The following CDKAL1 variants were observed in gnomAD, a reference collection of about 807,000 sequenced individuals.
CDKAL1 encodes the protein CDKAL1 threonylcarbamoyladenosine tRNA methylthiotransferase, also known as threonylcarbamoyladenosine tRNA methylthiotransferase.
A neutral mutation model predicts 68.2 loss-of-function variants in CDKAL1; 32 were observed. The observed-to-expected ratio is 0.47, with a 90% CI of 0.35 to 0.63. CDKAL1 has a LOEUF of 0.63. Among genes scored for constraint, CDKAL1 ranks in the 30% least tolerant of loss-of-function variants. The probability of loss-of-function intolerance (pLI) is 0.00; values close to 1 mark genes in which losing one functional copy is unlikely to be tolerated. For missense variants in CDKAL1, 606 were observed against 696.7 expected (o/e 0.87, Z 1.47); for synonymous variants, 234 against 244.3 (o/e 0.96, Z 0.39).
At chr6:21,155,048 C>A (rs1023397444) in intron 13 of CDKAL1, among the ~76,000 whole-genome samples, 13 of 147,188 alleles carry the variant, frequency 8.8e-5, no homozygotes, top group African/African-American at 3.3e-4. Flanking sequence ...TAATTGCTGT[C>A]TATTTTGATT....
chr6:21,227,452 T>C (rs1015678508), intron 15 of CDKAL1, among the ~76,000 whole-genome samples: 3 of 152,254 alleles, frequency 2.0e-5, no homozygotes, highest in African/African-American at 7.2e-5. Context: ...TGTTTAAAAA[T>C]AGTATCATCA....
chr6:20,973,078 CAA>C (rs34479545), intron 10 of CDKAL1, among the ~76,000 whole-genome samples: 341 of 136,154 alleles, frequency 2.5e-3, no homozygotes, highest in Non-Finnish European at 2.8e-3. Context: ...AACTCCGTCT[CAA>C]AAAAAAAAAA....
chr6:20,856,436 G>A (rs1344678696), intron 9 of CDKAL1, among the ~76,000 whole-genome samples: 1 of 152,196 alleles, frequency 6.6e-6, no homozygotes, highest in Non-Finnish European at 1.5e-5. Context: ...ATTGAATGCT[G>A]TGTCTTATGA....
At chr6:21,083,752 A>C (rs1188562392) in intron 12 of CDKAL1, among the ~76,000 whole-genome samples, 4 of 152,168 alleles carry the variant, frequency 2.6e-5, no homozygotes, top group African/African-American at 9.7e-5. Context: ...AGTCTCCTTG[A>C]ATCTATACAG....
At position 20,935,813 on chromosome 6, in the gene CDKAL1, T is replaced by A. The variant is rs114372820; in HGVS notation, c.743-19606T>A. On this transcript the variant is annotated intron_variant, in intron 9 of 15. Coordinates refer to ENST00000274695, the MANE Select transcript of CDKAL1 (RefSeq NM_017774.3). ...TACAACTCCTGCGCTCAAGCGATCC[T>A]CCCCCTTTGGCCTCCCGAAGAGCTA... Among the ~76,000 whole-genome samples the A allele has an allele frequency of 9.5e-3, 1,447 of 152,176 alleles. 18 individuals are homozygous for A. Among genetic ancestry groups the A allele is most frequent in the African/African-American group, 0.033 (1,361 of 41,508 alleles).
chr6:20,697,287 A>T (rs558787660), intron 5 of CDKAL1, among the ~76,000 whole-genome samples: 1 of 152,312 alleles, frequency 6.6e-6, no homozygotes, highest in Admixed American at 6.5e-5. Flanking sequence ...ATAGAGCATC[A>T]TTGTTGGAAA....
rs559194294 is a variant in CDKAL1 at position 20,898,235 on chromosome 6, C to A, written c.742+52057C>A. Among the ~76,000 whole-genome samples the A allele has an allele frequency of 2.6e-5, 4 of 151,540 alleles. No individual in the cohort carries two copies. The South Asian group carries it at 6.3e-4, about 24-fold the overall frequency. On this transcript the variant is annotated intron_variant, in intron 9 of 15. Coordinates refer to ENST00000274695, the MANE Select transcript of CDKAL1 (RefSeq NM_017774.3). ...TCTTGTTGGTTTGTATATGTGTGTT[C>A]CTGTTCTGCTTGTCTTTATCCCTCT...
chr6:20,598,447 A>G (rs886816296), intron 4 of CDKAL1, among the ~76,000 whole-genome samples: 2 of 152,198 alleles, frequency 1.3e-5, no homozygotes, highest in African/African-American at 4.8e-5. Context: ...GCCATTTTGG[A>G]AGAGAGAATA....
At chr6:20,779,852 TG>T (rs1401062230) in intron 7 of CDKAL1, among the ~76,000 whole-genome samples, 4 of 151,036 alleles carry the variant, frequency 2.6e-5, no homozygotes, top group African/African-American at 9.7e-5. Flanking sequence ...TGAGCAACCA[TG>T]CCTGGCCAAA....
Position 21,065,217 on chromosome 6 carries a change from C to A in CDKAL1, c.1225C>A (p.Pro409Thr). ...GTPAAKMEQV[P>T]AQVKKQRTKD... is the part of the protein sequence containing the mutation. The stretch of plus-strand genomic sequence containing the variant: ...TCCTGCTGCAAAAATGGAACAAGTT[C>A]CAGCACAAGTGGTAAGATCTTTTTC... Residue 409 changes from proline (P) to threonine (T), a missense_variant, in exon 12 of 16, where the codon CCA becomes ACA. Physicochemically the swap from Pro to Thr is conservative, Grantham distance 38. Transcript: ENST00000274695. The A allele has an allele frequency of 1.2e-6, 2 of 1,606,020 alleles. No individual in the cohort carries two copies. The highest frequency in any genetic ancestry group is 2.3e-5 in the South Asian group (2 of 88,050).
intron 8 of CDKAL1, among the ~76,000 whole-genome samples, chr6:20,826,181 C>A (rs910290934): frequency 2.6e-5 from 4 of 152,120 alleles, no homozygotes; most frequent in Non-Finnish European, 5.9e-5. Flanking sequence ...CTCATGGGCT[C>A]AACCTAGGTG....
chr6:21,189,584 A>T (rs1201584316), intron 13 of CDKAL1, among the ~76,000 whole-genome samples: 1 of 152,208 alleles, frequency 6.6e-6, no homozygotes, highest in East Asian at 1.9e-4. Flanking sequence ...TTCTCTTAAG[A>T]ACCCTTAAGT....
chr6:21,009,842 A>G (rs1488982487), intron 11 of CDKAL1, among the ~76,000 whole-genome samples: 1 of 152,216 alleles, frequency 6.6e-6, no homozygotes, highest in Non-Finnish European at 1.5e-5. Context: ...GAAAGTGGAA[A>G]GGGAGGTAGG....
intron 12 of CDKAL1, among the ~76,000 whole-genome samples, chr6:21,077,445 C>G (rs1772133054): frequency 6.6e-6 from 1 of 152,146 alleles, no homozygotes; most frequent in African/African-American, 2.4e-5. Context: ...TCTTGCACTG[C>G]TATAAAGAAC....
intron 13 of CDKAL1, among the ~76,000 whole-genome samples, chr6:21,169,001 G>T (rs980569951): frequency 6.6e-6 from 1 of 152,138 alleles, no homozygotes; most frequent in Non-Finnish European, 1.5e-5. Flanking sequence ...CAAAGTTCCA[G>T]ATTAGTCAAG....
At chr6:20,890,177 G>A (rs560719213) in intron 9 of CDKAL1, among the ~76,000 whole-genome samples, 1 of 152,212 alleles carries the variant, frequency 6.6e-6, no homozygotes, top group South Asian at 2.1e-4. Context: ...GTATGTTTAT[G>A]GGACTGTTAG....
chr6:20,675,377 A>G (rs2127785354), intron 5 of CDKAL1, among the ~76,000 whole-genome samples: 1 of 152,256 alleles, frequency 6.6e-6, no homozygotes, highest in South Asian at 2.1e-4. Flanking sequence ...TTCTTTAGAA[A>G]TTGGTCTGTT....
intron 12 of CDKAL1, among the ~76,000 whole-genome samples, chr6:21,090,050 C>G (rs1772916582): frequency 6.6e-6 from 1 of 152,140 alleles, no homozygotes; most frequent in Non-Finnish European, 1.5e-5. Flanking sequence ...GAGACATCAT[C>G]TAGTCATTAA....
intron 13 of CDKAL1, among the ~76,000 whole-genome samples, chr6:21,114,044 C>T (rs1023967496): frequency 1.3e-5 from 2 of 151,718 alleles, no homozygotes; most frequent in Non-Finnish European, 2.9e-5. Flanking sequence ...GTCCAGAGAG[C>T]GAGACCATCC....
Sources: gnomAD v4.1 joint callset for allele counts (sites outside exome capture counted in the v4.1 genomes callset) on GRCh38, gnomAD v4.1.1 for gene constraint, MANE v1.5 for transcripts, NCBI Gene and HGNC (gene_info 2026-07-23, HGNC 2026-07-21) for gene names.